Variants in SAXO5 observed in about 807,000 individuals in gnomAD.
The protein encoded by SAXO5 is stabilizer of axonemal microtubules 5, also known as testis expressed 45.
chr19:7,501,293 G>A, the SAXO5 span: 1 of 1,572,962 alleles, frequency 6.4e-7, no homozygotes, highest in Non-Finnish European at 8.5e-7. Flanking sequence ...GCGACTCCCT[G>A]CCTCCTGGCG....
chr19:7,504,459 G>A, the SAXO5 span: 1 of 1,493,934 alleles, frequency 6.7e-7, no homozygotes, highest in South Asian at 1.1e-5. Flanking sequence ...TGTAATCCCA[G>A]CACTTTGGGA....
At chr19:7,501,174 GACGCGCACGCCGGGATCGGCCTCTCCA>G in the SAXO5 span, 258 of 1,517,384 alleles carry the variant, frequency 1.7e-4, 1 homozygote, top group African/African-American at 3.4e-3. Flanking sequence ...CCTGCACGAG[GACGCGCACGCCGGGATCGGCCTCTCCA>G]ACGCGCACGC....
chr19:7,504,223 G>C, the SAXO5 span: 7 of 1,614,172 alleles, frequency 4.3e-6, no homozygotes, highest in East Asian at 1.3e-4. Context: ...AGGTGTAAGA[G>C]GGTAAATTGA....
At chr19:7,505,591 A>T in the SAXO5 span, 1 of 1,614,160 alleles carries the variant, frequency 6.2e-7, no homozygotes, top group South Asian at 1.1e-5. Context: ...CGGCCCCGGC[A>T]GTCTGGACAC....
chr19:7,505,484 A>G, the SAXO5 span: 1 of 1,613,622 alleles, frequency 6.2e-7, no homozygotes, highest in South Asian at 1.1e-5. Context: ...GCAGCCTCCC[A>G]GGGCAGCTCT....
the SAXO5 span, chr19:7,499,917 C>G: frequency 9.6e-6 from 1 of 104,218 alleles, no homozygotes; most frequent in Non-Finnish European, 2.1e-5. Context: ...GTTGAGCCCA[C>G]CACACTTGTC....
the SAXO5 span, chr19:7,500,963 T>C: frequency 6.4e-7 from 1 of 1,564,278 alleles, no homozygotes; most frequent in African/African-American, 1.4e-5. Flanking sequence ...ACCGGGACTT[T>C]GCCTACCCGG....
chr19:7,504,974 TTC>T, the SAXO5 span, among the ~76,000 whole-genome samples: 3 of 144,388 alleles, frequency 2.1e-5, no homozygotes, highest in East Asian at 2.1e-4. Context: ...CTTCTTCTTC[TTC>T]TTTTTTTTTT....
At chr19:7,498,901 G>A in the SAXO5 span, 4 of 152,738 alleles carry the variant, frequency 2.6e-5, no homozygotes, top group African/African-American at 4.8e-5. Flanking sequence ...GGGGAGGCTT[G>A]GAGTCTGAAG....
chr19:7,508,129 TG>T, the SAXO5 span: 1 of 1,272,180 alleles, frequency 7.9e-7, no homozygotes, highest in Non-Finnish European at 1.1e-6. Flanking sequence ...TCATCAGGCC[TG>T]GAGATCCTGG....
At chr19:7,505,076 C>T in the SAXO5 span, among the ~76,000 whole-genome samples, 3 of 151,886 alleles carry the variant, frequency 2.0e-5, no homozygotes, top group Admixed American at 6.6e-5. Flanking sequence ...CTCCGCCTCC[C>T]GGGTTCAAGC....
At chr19:7,500,268 T>A in the SAXO5 span, among the ~76,000 whole-genome samples, 1 of 152,040 alleles carries the variant, frequency 6.6e-6, no homozygotes, top group Admixed American at 6.6e-5. Context: ...TGGTGCCTAC[T>A]GTGTGCCAGG....
the SAXO5 span, among the ~76,000 whole-genome samples, chr19:7,507,318 C>T: frequency 6.6e-6 from 1 of 152,174 alleles, no homozygotes; most frequent in African/African-American, 2.4e-5. Flanking sequence ...TGCAGTGGTT[C>T]ACGCTTGTAA....
At chr19:7,501,343 C>G in the SAXO5 span, 1 of 1,559,432 alleles carries the variant, frequency 6.4e-7, no homozygotes, top group Non-Finnish European at 8.6e-7. Context: ...ACGCACCAGG[C>G]GCTCTTTCCA....
At chr19:7,504,021 C>G in the SAXO5 span, 71 of 818,066 alleles carry the variant, frequency 8.7e-5, no homozygotes, top group African/African-American at 1.1e-3. Flanking sequence ...GGCCCAGCTC[C>G]CCTTCCCAGG....
At chr19:7,504,223 G>A in the SAXO5 span, 5 of 1,614,054 alleles carry the variant, frequency 3.1e-6, no homozygotes, top group Middle Eastern at 1.6e-4. Flanking sequence ...AGGTGTAAGA[G>A]GGTAAATTGA....
At chr19:7,498,797 T>G in the SAXO5 span, 1 of 152,126 alleles carries the variant, frequency 6.6e-6, no homozygotes, top group Non-Finnish European at 1.5e-5. Flanking sequence ...GGAATGCTGG[T>G]CTCCAAGGGA....
At chr19:7,504,513 C>G in the SAXO5 span, 1 of 875,980 alleles carries the variant, frequency 1.1e-6, no homozygotes, top group Non-Finnish European at 1.8e-6. Context: ...CGAGACCAGC[C>G]TGGCCAATAT....
At chr19:7,505,761 G>A in the SAXO5 span, 1 of 994,164 alleles carries the variant, frequency 1.0e-6, no homozygotes, top group African/African-American at 1.6e-5. Context: ...AGTGATCTAG[G>A]GCGAGTCACT....
Sources: allele counts gnomAD v4.1 joint callset (sites outside exome capture counted in the v4.1 genomes callset), GRCh38; gene constraint gnomAD v4.1.1; transcripts MANE v1.5; gene names NCBI Gene and HGNC (gene_info 2026-07-23, HGNC 2026-07-21).